The following KDM7A variants were observed in gnomAD, a reference collection of about 807,000 sequenced individuals.
KDM7A encodes lysine-specific demethylase 7A.
KDM7A carries 28 observed loss-of-function variants against 114.8 expected under a neutral mutation model. The observed-to-expected ratio is 0.24, with a 90% CI of 0.18 to 0.33. The LOEUF (loss-of-function observed/expected upper bound fraction) is 0.33, where lower values mean the gene tolerates loss of function less well. Ranked by LOEUF, KDM7A falls within the 10% of genes least tolerant of loss-of-function variation. The pLI is 1.00. For missense variants in KDM7A, 942 were observed against 1,142.5 expected (o/e 0.82, Z 2.53); for synonymous variants, 423 against 397.8 (o/e 1.06, Z -0.75).
intron 11 of KDM7A, among the ~76,000 whole-genome samples, chr7:140,106,282 C>G (rs1250506296): frequency 2.0e-5 from 3 of 152,042 alleles, no homozygotes; most frequent in African/African-American, 7.2e-5. Flanking sequence ...GTGTCTCTAT[C>G]TCCTTCAGTT....
chr7:140,145,188 A>C (rs1794327332), intron 1 of KDM7A, among the ~76,000 whole-genome samples: 1 of 152,240 alleles, frequency 6.6e-6, no homozygotes, highest in Non-Finnish European at 1.5e-5. Context: ...TGTGGTGCAG[A>C]CCCAGAGCAG....
intron 9 of KDM7A, among the ~76,000 whole-genome samples, 171 bp from the exon 10 acceptor site, chr7:140,113,753 G>C (rs1445888919): frequency 6.6e-6 from 1 of 152,004 alleles, no homozygotes; most frequent in Admixed American, 6.5e-5. Flanking sequence ...TAAAGAAACA[G>C]AATTACATTC....
At chr7:140,102,242 T>A in intron 11 of KDM7A, 82 bp from the exon 12 acceptor site, 2 of 1,042,766 alleles carry the variant, frequency 1.9e-6, no homozygotes, top group Non-Finnish European at 2.9e-6. Flanking sequence ...TAAAAATATT[T>A]CAGAAAACAA....
At chr7:140,118,277 A>ACTT (rs1227922283) in intron 9 of KDM7A, among the ~76,000 whole-genome samples, 1 of 152,246 alleles carries the variant, frequency 6.6e-6, no homozygotes, top group African/African-American at 2.4e-5. Context: ...TCAGTCTCCA[A>ACTT]CTTGAGTGCT....
intron 1 of KDM7A, among the ~76,000 whole-genome samples, chr7:140,156,765 A>C (rs909027957): frequency 6.6e-6 from 1 of 152,246 alleles, no homozygotes; most frequent in Non-Finnish European, 1.5e-5. Context: ...CCTCAGACCA[A>C]GTATCAGGTG....
chr7:140,144,735 A>ACG (rs1403297949), intron 1 of KDM7A, among the ~76,000 whole-genome samples: 1 of 151,696 alleles, frequency 6.6e-6, no homozygotes, highest in African/African-American at 2.4e-5. Context: ...ACACACACAC[A>ACG]CACCCTCATG....
intron 12 of KDM7A, 123 bp downstream of exon 12, chr7:140,101,828 T>C: frequency 1.5e-6 from 1 of 682,628 alleles, no homozygotes; most frequent in Non-Finnish European, 2.6e-6. Flanking sequence ...TACTGGTTGA[T>C]CCCTACAATG....
intron 1 of KDM7A, among the ~76,000 whole-genome samples, chr7:140,171,525 A>G (rs1794639012): frequency 1.4e-5 from 2 of 144,778 alleles, no homozygotes; most frequent in South Asian, 4.2e-4. Context: ...TTATAAATAT[A>G]TATTTATTTA....
chr7:140,100,127 A>C, intron 12 of KDM7A, 104 bp from the exon 13 acceptor site: 270 of 1,236,938 alleles, frequency 2.2e-4, no homozygotes, highest in Non-Finnish European at 2.9e-4. Flanking sequence ...CCTGCATCTC[A>C]AAGATACAGG....
chr7:140,117,901 C>T (rs538934323), intron 9 of KDM7A, among the ~76,000 whole-genome samples: 1 of 152,144 alleles, frequency 6.6e-6, no homozygotes, highest in East Asian at 1.9e-4. Flanking sequence ...GGGATTCTAC[C>T]CCTATCCCAT....
At chr7:140,102,497 C>T (rs1034323421) in intron 11 of KDM7A, among the ~76,000 whole-genome samples, 1 of 152,140 alleles carries the variant, frequency 6.6e-6, no homozygotes, top group African/African-American at 2.4e-5. Flanking sequence ...ATCCTCCTAC[C>T]TTAGCCTCCC....
At chr7:140,103,205 A>G (rs112186257) in intron 11 of KDM7A, among the ~76,000 whole-genome samples, 58 of 152,276 alleles carry the variant, frequency 3.8e-4, no homozygotes, top group African/African-American at 1.3e-3. Flanking sequence ...GGAACCTCAT[A>G]TAAGTGGAAT....
At chr7:140,141,660 G>T (rs1486344787) in intron 1 of KDM7A, among the ~76,000 whole-genome samples, 1 of 151,992 alleles carries the variant, frequency 6.6e-6, no homozygotes, top group Admixed American at 6.6e-5. Context: ...CTGGGAGGCC[G>T]AGGTGGGCGG....
rs187801023 is a variant in KDM7A, at chr7:140,143,155, G to A, written c.195-3965C>T. On this transcript the variant is annotated intron_variant, in intron 1 of 19. Transcript: ENST00000397560. ...AGATGGTGCCACTGCACTCCAGCCC[G>A]GGTGACAGAGCAAGACCCCGTCTCA... Among the ~76,000 whole-genome samples, 296 of 149,348 alleles carry A rather than the reference G, an allele frequency of 2.0e-3. 1 individual carries two copies. Among genetic ancestry groups the A allele is most frequent in the African/African-American group, 7.1e-3 (286 of 40,424 alleles).
chr7:140,134,584 T>C (rs1030447764), intron 2 of KDM7A, among the ~76,000 whole-genome samples: 2 of 152,140 alleles, frequency 1.3e-5, no homozygotes, highest in Non-Finnish European at 2.9e-5. Flanking sequence ...GCTTGAAAAT[T>C]ACTCTTAAGC....
chr7:140,121,026 G>A (rs1285415893), intron 7 of KDM7A, among the ~76,000 whole-genome samples: 2 of 152,168 alleles, frequency 1.3e-5, no homozygotes, highest in East Asian at 3.9e-4. Flanking sequence ...AACACACTGG[G>A]ATTGATGGGA....
chr7:140,099,793 C>T lies in KDM7A; in HGVS notation c.1763+106G>A, dbSNP rs1818173246. The stretch of plus-strand genomic sequence containing the variant: ...CTGGCTGAGAAAAAACTGTCTTCCA[C>T]AAAACCGGTCCCTGGTGCCAGAAAG... On this transcript the variant is annotated intron_variant, in intron 13 of 19. Transcript: ENST00000397560. 4 of 1,043,440 alleles carry T rather than the reference C, an allele frequency of 3.8e-6. No homozygotes were observed. The South Asian group carries it at 4.3e-5, about 11-fold the overall frequency. 64.6% of individuals were successfully genotyped at this position (1,043,440 alleles called of 1,614,324 possible).
rs369398521 is a variant in KDM7A, at chr7:140,124,734, C to T, written c.938G>A (p.Arg313His). The T allele has an allele frequency of 1.0e-4, 166 of 1,612,258 alleles. No individual in the cohort carries two copies. Among genetic ancestry groups the T allele is most frequent in the Non-Finnish European group, 1.3e-4 (148 of 1,178,866 alleles). The change falls in exon 7 of 20, where the codon CGT becomes CAT. Residue 313 changes from arginine to histidine, a missense_variant. Arg to His is a conservative substitution (Grantham distance 29, BLOSUM62 0). Coordinates refer to ENST00000397560, the MANE Select transcript of KDM7A (RefSeq NM_030647.2). Reference protein sequence around the residue: ...LIKPTDENLARYESWSSSVTQ... With the variant: ...LIKPTDENLAHYESWSSSVTQ... ...CACAGATGAACTCCAAGATTCATAA[C>T]GTGCCAAATTTTCATCTGTTGGCTT...
chr7:140,100,908 C>G (rs1360691158), intron 12 of KDM7A, among the ~76,000 whole-genome samples: 1 of 151,086 alleles, frequency 6.6e-6, no homozygotes, highest in Non-Finnish European at 1.5e-5. Flanking sequence ...CTACAGGCAC[C>G]CGCCACTGCG....
Sources: allele counts gnomAD v4.1 joint callset (sites outside exome capture counted in the v4.1 genomes callset), GRCh38; gene constraint gnomAD v4.1.1; transcripts MANE v1.5; gene names NCBI Gene and HGNC (gene_info 2026-07-23, HGNC 2026-07-21).